KIF3B: variants seen among roughly 807,000 people sequenced by gnomAD.
KIF3B encodes the protein kinesin family member 3B, also known as kinesin-like protein KIF3B.
Under a neutral mutation model 74.3 loss-of-function variants are expected in KIF3B, and 38 were observed. The observed-to-expected ratio is 0.51, with a 90% CI of 0.39 to 0.67. The LOEUF (loss-of-function observed/expected upper bound fraction) is 0.67, where lower values mean the gene tolerates loss of function less well. KIF3B is among the 30% of genes least tolerant of loss of function. The pLI is 0.00. For synonymous variants in KIF3B, 326 were observed against 342.5 expected, an observed-to-expected ratio of 0.95 and a Z score of 0.53; for missense variants, 649 against 932.0, an observed-to-expected ratio of 0.70 and a Z score of 3.95.
intron 2 of KIF3B, among the ~76,000 whole-genome samples, chr20:32,311,863 C>A (rs1349868290): frequency 7.0e-6 from 1 of 143,630 alleles, no homozygotes; most frequent in Non-Finnish European, 1.5e-5. Context: ...AGTGCAGTGG[C>A]GCGATCTCGG....
At chr20:32,330,505 A>G (rs188272678) in intron 8 of KIF3B, among the ~76,000 whole-genome samples, 186 bp downstream of exon 8, 4 of 152,334 alleles carry the variant, frequency 2.6e-5, no homozygotes, top group Non-Finnish European at 4.4e-5. Context: ...GGTATACCGA[A>G]TACCAGAATA....
At chr20:32,315,547 A>G (rs960720788) in intron 2 of KIF3B, among the ~76,000 whole-genome samples, 5 of 152,154 alleles carry the variant, frequency 3.3e-5, no homozygotes, top group African/African-American at 4.8e-5. Flanking sequence ...TCTACAATCA[A>G]TCAGTCAATC....
At chr20:32,322,732 TTA>T (rs71299234) in intron 5 of KIF3B, among the ~76,000 whole-genome samples, 7 of 51,640 alleles carry the variant, frequency 1.4e-4, no homozygotes, top group South Asian at 5.4e-4. Flanking sequence ...ATTTATTTAT[TTA>T]TATATATTTA....
rs373071903 is a variant in KIF3B at position 32,327,548 on chromosome 20, A to C, written c.1863-8A>C. On this transcript the variant is annotated splice_region_variant and splice_polypyrimidine_tract_variant and intron_variant, in intron 6 of 8. Coordinates refer to ENST00000375712, the MANE Select transcript of KIF3B (RefSeq NM_004798.4). The stretch of plus-strand genomic sequence containing the variant: ...AGCCAGGGCTTTAACACTGCAGTTC[A>C]TTTCCAGGAACCAGCAGATGATGAA... The C allele has an allele frequency of 1.3e-4, 214 of 1,611,712 alleles. No individual in the cohort carries two copies. The highest frequency in any genetic ancestry group is 1.6e-4 in the Non-Finnish European group (191 of 1,178,328).
At chr20:32,284,695 G>A (rs1203675614) in intron 1 of KIF3B, among the ~76,000 whole-genome samples, 2 of 152,184 alleles carry the variant, frequency 1.3e-5, no homozygotes, top group East Asian at 1.9e-4. Flanking sequence ...ATCAGAGCCT[G>A]CCTTTTACCA....
chr20:32,294,146 G>A (rs929822580), intron 1 of KIF3B, among the ~76,000 whole-genome samples: 7 of 129,242 alleles, frequency 5.4e-5, no homozygotes, highest in Non-Finnish European at 1.1e-4. Context: ...AGTAGGTGTT[G>A]TCCAACAGAC....
At chr20:32,295,187 T>C (rs1018005999) in intron 1 of KIF3B, among the ~76,000 whole-genome samples, 1 of 152,204 alleles carries the variant, frequency 6.6e-6, no homozygotes, top group Admixed American at 6.5e-5. Context: ...TTGTGCCAAT[T>C]TGAGATGCTG....
chr20:32,323,180 T>G (rs912527119), intron 5 of KIF3B, among the ~76,000 whole-genome samples: 4 of 119,480 alleles, frequency 3.3e-5, no homozygotes, highest in Non-Finnish European at 5.0e-5. Flanking sequence ...ATTTATATAT[T>G]TATATATATT....
Position 32,334,181 on chromosome 20 carries a change from A to AC in KIF3B, c.*2867dup, listed in dbSNP as rs774477375. On this transcript the variant is annotated 3_prime_UTR_variant, in exon 9 of 9. Transcript: ENST00000375712. ...AGACTGTGTATGCAACCCCCAATAGACCCCCTTTTACTCTGATCTGGAGAA... is the reference window on the plus strand; with the variant it reads ...AGACTGTGTATGCAACCCCCAATAGACCCCCCTTTTACTCTGATCTGGAGAA... 2 of 151,938 alleles carry AC rather than the reference A, an allele frequency of 1.3e-5. No individual in the cohort carries two copies. Among genetic ancestry groups the AC allele is most frequent in the Non-Finnish European group, 2.9e-5 (2 of 67,962 alleles). The allele number at this position is 151,938 out of a possible 1,614,324, so 9.4% of individuals were successfully genotyped here.
In KIF3B at chr20:32,331,334, C is replaced by T; in HGVS notation, c.*15C>T. On this transcript the variant is annotated 3_prime_UTR_variant, in exon 9 of 9. Transcript: ENST00000375712. ...TTCCAAAGTAAAGCCAGCTTCTCCT[C>T]TCCCAGGGCGGAAACAGCATTTGCC... 6.3e-7 allele frequency: 1 copy of T among 1,592,232 alleles called. No homozygotes were observed. Among genetic ancestry groups the T allele is most frequent in the Non-Finnish European group, 8.6e-7 (1 of 1,167,462 alleles).
intron 5 of KIF3B, among the ~76,000 whole-genome samples, 173 bp downstream of exon 5, chr20:32,317,047 C>A (rs2047831370): frequency 6.6e-6 from 1 of 152,132 alleles, no homozygotes; most frequent in Non-Finnish European, 1.5e-5. Flanking sequence ...ACCAGCCTGA[C>A]CAACATGGTG....
At position 32,330,337 on chromosome 20, in the gene KIF3B, CGT is replaced by C; in HGVS notation, c.2147+23_2147+24del. ...AAGGCCAGGTGAGTGGCTTTGATGACGTGTGTTTAAACAGAACATGTTTGAAC... is the reference window on the plus strand; with the variant it reads ...AAGGCCAGGTGAGTGGCTTTGATGACGTGTTTAAACAGAACATGTTTGAAC... On this transcript the variant is annotated intron_variant, in intron 8 of 8. Transcript: ENST00000375712. The C allele has an allele frequency of 6.2e-7, 1 of 1,609,582 alleles. No homozygotes were observed. Among genetic ancestry groups the C allele is most frequent in the Non-Finnish European group, 8.5e-7 (1 of 1,177,024 alleles).
intron 5 of KIF3B, among the ~76,000 whole-genome samples, chr20:32,320,294 C>T (rs1286536524): frequency 6.6e-6 from 1 of 151,966 alleles, no homozygotes; most frequent in Non-Finnish European, 1.5e-5. Flanking sequence ...TGTTTTTAAA[C>T]TTTCTTGATG....
chr20:32,299,417 T>A (rs1217087754), intron 1 of KIF3B, among the ~76,000 whole-genome samples: 17 of 101,684 alleles, frequency 1.7e-4, no homozygotes, highest in Non-Finnish European at 2.8e-4. Context: ...TTTTTTTTTT[T>A]TTTTTTTTTT....
At chr20:32,305,393 A>G (rs1301969429) in intron 1 of KIF3B, among the ~76,000 whole-genome samples, 1 of 151,890 alleles carries the variant, frequency 6.6e-6, no homozygotes, top group East Asian at 1.9e-4. Context: ...CCCTGCACTG[A>G]GATTTATAGG....
intron 1 of KIF3B, among the ~76,000 whole-genome samples, chr20:32,297,718 G>T (rs1053110305): frequency 2.0e-5 from 3 of 152,076 alleles, no homozygotes; most frequent in Non-Finnish European, 4.4e-5. Flanking sequence ...GGAGATAGTG[G>T]GGTTGGGGAA....
In KIF3B at chr20:32,310,173, A is replaced by C. The variant is rs1389554936; in HGVS notation, c.396A>C (p.Arg132=). Residue 132 remains arginine, a synonymous_variant, in exon 2 of 9, where the codon CGA becomes CGC. Transcript: ENST00000375712. This position sits in a 1 kb window ranked among gnomAD's most constrained non-coding sequence, Gnocchi z 6.5. ...SFDHIFTHIS[R]SQNQQYLVRA... is the part of the protein sequence containing the mutation. ...ACCATATCTTCACCCACATCTCTCG[A>C]TCCCAGAATCAACAATACCTGGTCA... 6.2e-7 allele frequency: 1 copy of C among 1,613,118 alleles called. No individual in the cohort carries two copies. The highest frequency in any genetic ancestry group is 2.2e-5 in the East Asian group (1 of 44,832).
rs951385697 is a variant in KIF3B at position 32,316,516 on chromosome 20, A to G, written c.1507-11A>G. On this transcript the variant is annotated splice_polypyrimidine_tract_variant and intron_variant, in intron 3 of 8. Transcript: ENST00000375712. ...CTAGGGCAAGCTGATGAATTTTGTC[A>G]TGTTGCTCAGAAACGTCGAGAAAGA... The G allele has an allele frequency of 9.3e-6, 15 of 1,613,738 alleles. No individual in the cohort carries two copies. The highest frequency in any genetic ancestry group is 1.1e-5 in the Non-Finnish European group (13 of 1,179,912).
In KIF3B at chr20:32,331,386, C is replaced by G. The variant is rs768905829; in HGVS notation, c.*67C>G. 1 of 1,305,742 alleles carries G rather than the reference C, an allele frequency of 7.7e-7. No homozygotes were observed. The highest frequency in any genetic ancestry group is 1.1e-6 in the Non-Finnish European group (1 of 920,546). 80.9% of individuals were successfully genotyped at this position (1,305,742 alleles called of 1,614,324 possible). A position where few individuals can be genotyped will look rare whatever the true frequency, so the allele number is the denominator to read the frequency against. Reference sequence around the variant, plus strand: ...TCTGAGAGAAGAGACTAGCAAAAAGCTGCAGAGAGGATTCGGCCCAAACTC... The same window carrying G: ...TCTGAGAGAAGAGACTAGCAAAAAGGTGCAGAGAGGATTCGGCCCAAACTC... On this transcript the variant is annotated 3_prime_UTR_variant, in exon 9 of 9. Transcript: ENST00000375712.
Sources: allele counts gnomAD v4.1 joint callset (sites outside exome capture counted in the v4.1 genomes callset), GRCh38; gene constraint gnomAD v4.1.1; non-coding constraint Gnocchi (gnomAD v3.1); transcripts MANE v1.5; gene names NCBI Gene and HGNC (gene_info 2026-07-23, HGNC 2026-07-21).